Variants in PARM1 observed in about 807,000 individuals in gnomAD.
The protein encoded by PARM1 is WSC4, cell wall integrity and stress response component 4 homolog.
PARM1 carries 14 observed loss-of-function variants against 24.6 expected under a neutral mutation model. The ratio of observed to expected loss-of-function variants is 0.57; its 90% CI spans 0.38 to 0.89. The LOEUF is 0.89. Ranked by LOEUF, PARM1 falls within the 40% of genes least tolerant of loss-of-function variation. The pLI, the probability that PARM1 is intolerant of heterozygous loss-of-function variation, is 0.00. For synonymous variants in PARM1, 179 were observed against 156.6 expected, an observed-to-expected ratio of 1.14 and a Z score of -1.07; for missense variants, 362 against 380.4, an observed-to-expected ratio of 0.95 and a Z score of 0.40.
chr4:75,027,604 T>C (rs1213607389), intron 2 of PARM1, among the ~76,000 whole-genome samples: 2 of 152,200 alleles, frequency 1.3e-5, no homozygotes, highest in African/African-American at 4.8e-5. Flanking sequence ...CCATGTACCC[T>C]GGGTTATTTA....
rs1722901598 is a variant in PARM1 at position 75,012,770 on chromosome 4, C to T, written c.389C>T (p.Pro130Leu). ...TTGGAGGAACACAGCTCGGGCACTC[C>T]TGAAGCAGGCGTGGCAGCTACACTG... Reference protein sequence around the residue: ...TTLEEHSSGTPEAGVAATLSQ... With the variant: ...TTLEEHSSGTLEAGVAATLSQ... The change falls in exon 2 of 4, where the codon CCT becomes CTT. Residue 130 changes from proline to leucine, a missense_variant. Coordinates refer to ENST00000307428, the MANE Select transcript of PARM1 (RefSeq NM_015393.4). 6.8e-6 allele frequency: 11 copies of T among 1,613,992 alleles called. No homozygotes were observed. Among genetic ancestry groups the T allele is most frequent in the Non-Finnish European group, 9.3e-6 (11 of 1,179,898 alleles).
chr4:74,987,905 GTGT>G (rs2109777161), intron 1 of PARM1, among the ~76,000 whole-genome samples: 1 of 152,284 alleles, frequency 6.6e-6, no homozygotes, highest in African/African-American at 2.4e-5. Flanking sequence ...ATTCTTGATT[GTGT>G]TATTTCATTT....
In PARM1 at chr4:75,013,297, A is replaced by T. The variant is rs950665541; in HGVS notation, c.769+147A>T. On this transcript the variant is annotated intron_variant, in intron 2 of 3. Coordinates refer to ENST00000307428, the MANE Select transcript of PARM1 (RefSeq NM_015393.4). Reference sequence around the variant, plus strand: ...ATTCACAAGAATTTCCACGAGTGCAAACTTTATTTTTAGTCACTTAACAAT... The same window carrying T: ...ATTCACAAGAATTTCCACGAGTGCATACTTTATTTTTAGTCACTTAACAAT... 7 of 875,284 alleles carry T rather than the reference A, an allele frequency of 8.0e-6. No homozygotes were observed. The South Asian group carries it at 1.3e-4, about 16-fold the overall frequency. The allele number at this position is 875,284 out of a possible 1,614,324, so 54.2% of individuals were successfully genotyped here. A position where few individuals can be genotyped will look rare whatever the true frequency, so the allele number is the denominator to read the frequency against.
chr4:75,042,696 GCTCA>G (rs1385151890), intron 3 of PARM1, among the ~76,000 whole-genome samples: 2 of 151,802 alleles, frequency 1.3e-5, no homozygotes, highest in African/African-American at 4.8e-5. Context: ...AGTTTTACAT[GCTCA>G]CTAATTATTG....
At position 74,960,774 on chromosome 4, in the gene PARM1, C is replaced by T. The variant is rs550307497; in HGVS notation, c.43+27404C>T. On this transcript the variant is annotated intron_variant, in intron 1 of 3. Coordinates refer to ENST00000307428, the MANE Select transcript of PARM1 (RefSeq NM_015393.4). ...TCAAAGACACAGCACTTTGGGAGGC[C>T]GAGGCGGGTGGATCACAAGGTCAGG... is the stretch of plus-strand genomic sequence containing the variant. 1.3e-4 allele frequency among the ~76,000 whole-genome samples: 20 copies of T among 151,622 alleles called. No homozygotes were observed. In the East Asian group the frequency reaches 1.6e-3, roughly 12 times the overall value.
intron 2 of PARM1, among the ~76,000 whole-genome samples, chr4:75,032,351 G>A (rs1723290622): frequency 6.6e-6 from 1 of 152,138 alleles, no homozygotes; most frequent in Non-Finnish European, 1.5e-5. Flanking sequence ...CTTTTTAGAA[G>A]TTACTAAAGA....
At chr4:74,950,638 A>G (rs895748204) in intron 1 of PARM1, among the ~76,000 whole-genome samples, 3 of 152,182 alleles carry the variant, frequency 2.0e-5, no homozygotes, top group Non-Finnish European at 4.4e-5. Context: ...TTCACATCTC[A>G]ATCATGTTCA....
chr4:74,971,506 A>C (rs1386414114), intron 1 of PARM1, among the ~76,000 whole-genome samples: 3 of 152,194 alleles, frequency 2.0e-5, no homozygotes, highest in African/African-American at 7.2e-5. Context: ...TGTGTTTCAC[A>C]ATCAATGGCA....
At chr4:75,022,486 G>A (rs1465194995) in intron 2 of PARM1, among the ~76,000 whole-genome samples, 2 of 152,096 alleles carry the variant, frequency 1.3e-5, no homozygotes, top group African/African-American at 4.8e-5. Context: ...TATCTATTTA[G>A]TTTGTCATGT....
At chr4:74,992,259 T>TA (rs1288281965) in intron 1 of PARM1, among the ~76,000 whole-genome samples, 17 of 151,948 alleles carry the variant, frequency 1.1e-4, no homozygotes, top group Admixed American at 1.1e-3. Flanking sequence ...TCTCACCTAA[T>TA]AAAAAATGAG....
At chr4:74,998,706 G>A (rs1447106801) in intron 1 of PARM1, among the ~76,000 whole-genome samples, 3 of 152,170 alleles carry the variant, frequency 2.0e-5, no homozygotes, top group African/African-American at 7.2e-5. Context: ...ATATTTTGGT[G>A]TGAGCTACAA....
At chr4:75,005,087 T>C (rs1286990602) in intron 1 of PARM1, among the ~76,000 whole-genome samples, 1 of 152,182 alleles carries the variant, frequency 6.6e-6, no homozygotes, top group Non-Finnish European at 1.5e-5. Context: ...CACTTGTTAA[T>C]ATATGTGTTA....
intron 1 of PARM1, among the ~76,000 whole-genome samples, chr4:75,005,109 T>C (rs1421822588): frequency 6.6e-6 from 1 of 152,184 alleles, no homozygotes; most frequent in Non-Finnish European, 1.5e-5. Flanking sequence ...ACAGTCCCAC[T>C]GGCCTTTTCA....
At chr4:74,976,294 C>T (rs913731740) in intron 1 of PARM1, among the ~76,000 whole-genome samples, 1 of 152,202 alleles carries the variant, frequency 6.6e-6, no homozygotes. Flanking sequence ...GCAGTTTGGA[C>T]TGGGAGGAAT....
At chr4:74,951,851 G>C (rs1049005553) in intron 1 of PARM1, among the ~76,000 whole-genome samples, 1 of 152,266 alleles carries the variant, frequency 6.6e-6, no homozygotes, top group East Asian at 1.9e-4. Flanking sequence ...TGAGTATTTG[G>C]CTTGGTTCCA....
chr4:74,997,915 C>T (rs745403146), intron 1 of PARM1: 4 of 152,184 alleles, frequency 2.6e-5, no homozygotes, highest in Non-Finnish European at 5.9e-5. Context: ...GTGCACCAAA[C>T]GTAAAATTAT....
chr4:74,952,240 T>A (rs1049816283), intron 1 of PARM1, among the ~76,000 whole-genome samples: 3 of 152,244 alleles, frequency 2.0e-5, no homozygotes, highest in Non-Finnish European at 2.9e-5. Context: ...TGTCTTCTTT[T>A]GAGCAGTGTC....
chr4:74,968,063 G>A (rs1030895461), intron 1 of PARM1, among the ~76,000 whole-genome samples: 5 of 152,034 alleles, frequency 3.3e-5, no homozygotes, highest in Non-Finnish European at 7.4e-5. Context: ...CCATCTCTTA[G>A]CCAGCTTTTA....
intron 2 of PARM1, among the ~76,000 whole-genome samples, chr4:75,014,062 C>A (rs1209491083): frequency 6.6e-6 from 1 of 152,090 alleles, no homozygotes. Context: ...CCTGGGTGGT[C>A]CTGTGAGAGG....
Sources: gnomAD v4.1 joint callset for allele counts (sites outside exome capture counted in the v4.1 genomes callset) on GRCh38, gnomAD v4.1.1 for gene constraint, MANE v1.5 for transcripts, NCBI Gene and HGNC (gene_info 2026-07-23, HGNC 2026-07-21) for gene names.